Variants in KDM4C observed in about 807,000 individuals in gnomAD.
The protein encoded by KDM4C is lysine demethylase 4C.
In KDM4C, 81 loss-of-function variants were observed where a neutral mutation model predicts 129.3. The ratio of observed to expected loss-of-function variants is 0.63; its 90% CI spans 0.52 to 0.75. The LOEUF (loss-of-function observed/expected upper bound fraction) is 0.75. KDM4C is among the 30% of genes least tolerant of loss of function. KDM4C has a pLI of 0.00. For missense variants in KDM4C, 1,457 were observed against 1,304.0 expected, an observed-to-expected ratio of 1.12 and a Z score of -1.81; for synonymous variants, 573 against 456.1, an observed-to-expected ratio of 1.26 and a Z score of -3.26.
chr9:7,061,697 T>C (rs986561398), intron 17 of KDM4C, among the ~76,000 whole-genome samples: 2 of 152,172 alleles, frequency 1.3e-5, no homozygotes, highest in African/African-American at 4.8e-5. Flanking sequence ...TAAGTCCACT[T>C]TTTTCCCAAT....
chr9:7,129,812 C>T (rs1027489390), intron 19 of KDM4C, among the ~76,000 whole-genome samples: 1 of 152,054 alleles, frequency 6.6e-6, no homozygotes, highest in Non-Finnish European at 1.5e-5. Flanking sequence ...GAACTGGAAC[C>T]ATGAACTCAG....
intron 6 of KDM4C, among the ~76,000 whole-genome samples, chr9:6,880,621 G>T (rs1433558495): frequency 6.6e-6 from 1 of 152,086 alleles, no homozygotes; most frequent in Non-Finnish European, 1.5e-5. Context: ...GGCCTTCTTG[G>T]ACTGGCAAAA....
intron 19 of KDM4C, among the ~76,000 whole-genome samples, chr9:7,148,651 C>T (rs949112168): frequency 1.3e-5 from 2 of 152,188 alleles, no homozygotes; most frequent in African/African-American, 4.8e-5. Flanking sequence ...AAGTTCTTGT[C>T]CTGCGTCCAG....
chr9:6,957,549 C>T (rs758293868), intron 8 of KDM4C, among the ~76,000 whole-genome samples: 16 of 151,862 alleles, frequency 1.1e-4, no homozygotes, highest in Admixed American at 2.0e-4. Flanking sequence ...GTAGTGGCAG[C>T]GACATTGTCG....
Position 6,808,176 on chromosome 9 carries a change from A to G in KDM4C, c.320+2402A>G, listed in dbSNP as rs1318252908. ...TGAGGAGCTCCTCTGCCCGGCCACC[A>G]CCCCGTCTGGGAGGTGTGCCCAACA... On this transcript the variant is annotated intron_variant, in intron 3 of 21. Transcript: ENST00000381309. 1.8e-4 allele frequency among the ~76,000 whole-genome samples: 11 copies of G among 60,868 alleles called. 1 individual carries two copies. The highest frequency in any genetic ancestry group is 6.1e-4 in the South Asian group (1 of 1,642). 39.9% of individuals were successfully genotyped at this position (60,868 alleles called of 152,430 possible).
rs781382031 is a variant in KDM4C, at chr9:7,013,875, A to G, written c.2056A>G (p.Ile686Val). 1 of 1,614,020 alleles carries G rather than the reference A, an allele frequency of 6.2e-7. No homozygotes were observed. ...ATCGGAGGGAAAGACTAAGCCCCTC[A>G]TACCAGAGATGTGTTTTATTTATAG... ...VTSEGKTKPL[I>V]PEMCFIYSEE... Residue 686 changes from isoleucine (I) to valine (V), a missense_variant, in exon 14 of 22, where the codon ATA (isoleucine) becomes GTA (valine). Ile to Val is a conservative substitution (Grantham distance 29, BLOSUM62 3). Transcript: ENST00000381309.
At chr9:6,746,048 C>T (rs1227246511) in intron 1 of KDM4C, among the ~76,000 whole-genome samples, 1 of 151,894 alleles carries the variant, frequency 6.6e-6, no homozygotes, top group African/African-American at 2.4e-5. Context: ...TCAGGTGATC[C>T]GCCTGCCTCA....
At chr9:6,867,994 A>C (rs989826945) in intron 5 of KDM4C, among the ~76,000 whole-genome samples, 1 of 152,206 alleles carries the variant, frequency 6.6e-6, no homozygotes, top group Admixed American at 6.5e-5. Flanking sequence ...AAGCTTTAAC[A>C]CAGAGATTTT....
intron 8 of KDM4C, among the ~76,000 whole-genome samples, chr9:6,967,615 G>A (rs1563903989): frequency 1.3e-5 from 2 of 152,116 alleles, no homozygotes; most frequent in Non-Finnish European, 2.9e-5. Flanking sequence ...CTGTTATCTG[G>A]AGATCATGAC....
At chr9:7,028,338 A>C (rs577333837) in intron 15 of KDM4C, among the ~76,000 whole-genome samples, 1 of 151,970 alleles carries the variant, frequency 6.6e-6, no homozygotes, top group South Asian at 2.1e-4. Flanking sequence ...CATTGTTTCA[A>C]GGCAGTGAGT....
At chr9:7,072,482 A>G (rs1381209010) in intron 17 of KDM4C, among the ~76,000 whole-genome samples, 1 of 152,256 alleles carries the variant, frequency 6.6e-6, no homozygotes, top group Admixed American at 6.5e-5. Flanking sequence ...CCATGGATGA[A>G]TCTCAGATTC....
At chr9:7,070,171 C>A (rs1833000462) in intron 17 of KDM4C, among the ~76,000 whole-genome samples, 1 of 152,102 alleles carries the variant, frequency 6.6e-6, no homozygotes, top group Admixed American at 6.5e-5. Context: ...ACTCACCCAA[C>A]AAGAAATAGC....
chr9:6,766,811 C>A (rs574114567), intron 1 of KDM4C, among the ~76,000 whole-genome samples: 177 of 151,998 alleles, frequency 1.2e-3, no homozygotes, highest in Non-Finnish European at 1.6e-3. Flanking sequence ...GACCCTTGAG[C>A]ATTCACCTCT....
upstream of KDM4C, among the ~76,000 whole-genome samples, chr9:6,753,935 C>G (rs996062668): frequency 3.1e-5 from 4 of 127,556 alleles, no homozygotes; most frequent in East Asian, 9.3e-4. Context: ...AGTGCAGTGG[C>G]ACGACCTCGA....
At chr9:7,094,633 C>G (rs1431771355) in intron 17 of KDM4C, among the ~76,000 whole-genome samples, 1 of 152,144 alleles carries the variant, frequency 6.6e-6, no homozygotes, top group Non-Finnish European at 1.5e-5. Flanking sequence ...GCGGAGGAAC[C>G]CTATACTGAG....
intron 15 of KDM4C, among the ~76,000 whole-genome samples, chr9:7,032,857 C>T (rs1201490644): frequency 6.6e-6 from 1 of 152,148 alleles, no homozygotes; most frequent in African/African-American, 2.4e-5. Flanking sequence ...TAACTTCTGG[C>T]GTTACTGGTT....
At chr9:6,856,539 C>T (rs76445515) in intron 5 of KDM4C, among the ~76,000 whole-genome samples, 108 of 131,494 alleles carry the variant, frequency 8.2e-4, no homozygotes, top group African/African-American at 1.3e-3. Context: ...TCTCTGTGTG[C>T]GTGTGTGTGT....
chr9:7,049,236 A>G, intron 17 of KDM4C, 36 bp downstream of exon 17: 2 of 1,141,174 alleles, frequency 1.8e-6, no homozygotes, highest in Non-Finnish European at 2.6e-6. Context: ...CTCATAAATT[A>G]GTGTTAATTT....
At position 6,949,729 on chromosome 9, in the gene KDM4C, G is replaced by T. The variant is rs191929901; in HGVS notation, c.922-31196G>T. Reference sequence around the variant, plus strand: ...TGGCGGCGCGCGCCTGCAATCGCAGGCACTCAGCAGGCTGAGGCAGGAGAA... The same window carrying T: ...TGGCGGCGCGCGCCTGCAATCGCAGTCACTCAGCAGGCTGAGGCAGGAGAA... On this transcript the variant is annotated intron_variant, in intron 8 of 21. Transcript: ENST00000381309. Among the ~76,000 whole-genome samples, 28 of 152,354 alleles carry T rather than the reference G, an allele frequency of 1.8e-4. No individual in the cohort carries two copies. The East Asian group carries it at 5.2e-3, about 28-fold the overall frequency.
Sources: allele counts gnomAD v4.1 joint callset (sites outside exome capture counted in the v4.1 genomes callset), GRCh38; gene constraint gnomAD v4.1.1; transcripts MANE v1.5; gene names NCBI Gene and HGNC (gene_info 2026-07-23, HGNC 2026-07-21).